The following ARHGEF2 variants were observed in gnomAD, a reference collection of about 807,000 sequenced individuals.
ARHGEF2 encodes Rho/Rac guanine nucleotide exchange factor 2, also known as rho guanine nucleotide exchange factor 2.
A neutral mutation model predicts 121.0 loss-of-function variants in ARHGEF2; 22 were observed. The observed-to-expected ratio is 0.18, with a 90% CI of 0.13 to 0.26. ARHGEF2 has a LOEUF of 0.26. ARHGEF2 is among the 10% of genes least tolerant of loss of function. The pLI is 1.00. For missense variants in ARHGEF2, 907 were observed against 1,336.0 expected, an observed-to-expected ratio of 0.68 and a Z score of 5.01; for synonymous variants, 487 against 530.0, an observed-to-expected ratio of 0.92 and a Z score of 1.11.
chr1:155,971,645 T>A (rs1401358084), intron 1 of ARHGEF2, among the ~76,000 whole-genome samples: 1 of 149,464 alleles, frequency 6.7e-6, no homozygotes, highest in Admixed American at 6.7e-5. Flanking sequence ...AAACACCAAG[T>A]CCAAAAATCT....
Position 155,950,867 on chromosome 1 carries a change from C to T in ARHGEF2, c.2665G>A (p.Ala889Thr), listed in dbSNP as rs760566971. ...AAACTCAAGTACAGGGCATCGCCTG[C>T]GGGGAGGCTGCGCCGCCGAGGATCC... ...PVDPRRRSLPAGDALYLSFNP... is the reference protein window; with the variant it reads ...PVDPRRRSLPTGDALYLSFNP... The change falls in exon 20 of 22, where the codon GCA becomes ACA. Residue 889 changes from alanine to threonine, a missense_variant. By Grantham distance (58) the Ala-to-Thr change is moderately conservative (BLOSUM62 0). Around this residue, in one of 2 missense-constraint regions of ARHGEF2, gnomAD observed 432 missense variants for 559.5 expected, o/e 0.77. Coordinates refer to ENST00000361247, the MANE Select transcript of ARHGEF2 (RefSeq NM_001162383.2). The surrounding 1 kb of genome is among the most constrained non-coding windows in gnomAD (Gnocchi z 5.2). 1.0e-5 allele frequency: 16 copies of T among 1,547,856 alleles called. No individual in the cohort carries two copies. Among genetic ancestry groups the T allele is most frequent in the South Asian group, 3.7e-5 (3 of 80,192 alleles).
intron 4 of ARHGEF2, among the ~76,000 whole-genome samples, 158 bp downstream of exon 4, chr1:155,966,258 G>A (rs1679347988): frequency 6.6e-6 from 1 of 152,014 alleles, no homozygotes; most frequent in Non-Finnish European, 1.5e-5. Flanking sequence ...CTAAGTCCAA[G>A]AGTCCGAACC....
At chr1:155,958,775 A>C (rs934490794) in intron 11 of ARHGEF2, among the ~76,000 whole-genome samples, 1 of 151,266 alleles carries the variant, frequency 6.6e-6, no homozygotes, top group African/African-American at 2.4e-5. Context: ...ACGGGGTTTC[A>C]CCATGTTGGT....
chr1:155,955,685 A>C (rs577965645), intron 13 of ARHGEF2, among the ~76,000 whole-genome samples: 20 of 152,274 alleles, frequency 1.3e-4, no homozygotes, highest in African/African-American at 4.6e-4. Flanking sequence ...AGCTCAACAA[A>C]TCAATTACAA....
Position 155,951,298 on chromosome 1 carries a change from G to A in ARHGEF2, c.2260-26C>T. The A allele has an allele frequency of 1.3e-6, 2 of 1,582,896 alleles. No homozygotes were observed. Among genetic ancestry groups the A allele is most frequent in the Non-Finnish European group, 1.7e-6 (2 of 1,161,920 alleles). On this transcript the variant is annotated intron_variant, in intron 19 of 21. Transcript: ENST00000361247. The surrounding 1 kb of genome is among the most constrained non-coding windows in gnomAD (Gnocchi z 5.1). ...CTGGGAGTAGAATGCAGGCAGAAGG[G>A]TTTATCAGAACCCCTGTGCTCTTCT... is the stretch of plus-strand genomic sequence containing the variant.
chr1:155,979,314 G>A (rs1042759921), upstream of ARHGEF2: 38 of 985,302 alleles, frequency 3.9e-5, no homozygotes, highest in Admixed American at 6.2e-5. Flanking sequence ...TCTGTTGCAA[G>A]TTAAGCCGGA....
In ARHGEF2 at chr1:155,951,471, T is replaced by G; in HGVS notation, c.2259+12A>C. ...TCCTCCCCTTCCCCATTCAAGCCCT[T>G]GTCCTACTGACCTGTAGGCCATGTA... On this transcript the variant is annotated intron_variant, in intron 19 of 21. Transcript: ENST00000361247. The surrounding 1 kb of genome is among the most constrained non-coding windows in gnomAD (Gnocchi z 5.1). 1 of 1,614,144 alleles carries G rather than the reference T, an allele frequency of 6.2e-7. No individual in the cohort carries two copies. The highest frequency in any genetic ancestry group is 8.5e-7 in the Non-Finnish European group (1 of 1,180,000).
chr1:155,959,647 C>T (rs887906337), intron 11 of ARHGEF2, among the ~76,000 whole-genome samples: 6 of 152,122 alleles, frequency 3.9e-5, no homozygotes, highest in Non-Finnish European at 5.9e-5. Context: ...TGAGTTCAAG[C>T]GATTCTCATG....
In ARHGEF2 at chr1:155,947,853, T is replaced by C. The variant is rs1405683836; in HGVS notation, c.*89A>G. 6 of 718,320 alleles carry C rather than the reference T, an allele frequency of 8.4e-6. No individual in the cohort carries two copies. Among genetic ancestry groups the C allele is most frequent in the Non-Finnish European group, 1.4e-5 (6 of 426,830 alleles). 44.5% of individuals were successfully genotyped at this position (718,320 alleles called of 1,614,324 possible). On this transcript the variant is annotated 3_prime_UTR_variant, in exon 22 of 22. Transcript: ENST00000361247. Reference sequence around the variant, plus strand: ...GACAATTTGCAGTTCTTTCAAATGTTCCCTCATCATTGGCAAATTGGAGTC... The same window carrying C: ...GACAATTTGCAGTTCTTTCAAATGTCCCCTCATCATTGGCAAATTGGAGTC...
Position 155,957,844 on chromosome 1 carries a change from T to A in ARHGEF2, c.1584A>T (p.Val528=), listed in dbSNP as rs756839384. 7 of 1,614,056 alleles carry A rather than the reference T, an allele frequency of 4.3e-6. No homozygotes were observed. Among genetic ancestry groups the A allele is most frequent in the Admixed American group, 1.7e-5 (1 of 59,994 alleles). The part of the protein sequence containing the change: ...PSVVSLQNLI[V]RDIANQEKGM... ...CTTTCTCCTGGTTGGCAATGTCTCG[T>A]ACGATTAGATTCTGCAGCGATACCA... is the stretch of plus-strand genomic sequence containing the variant. Residue 528 remains valine (V), a synonymous_variant, in exon 13 of 22, where the codon GTA becomes GTT. Transcript: ENST00000361247.
chr1:155,967,501 C>T (rs746626450), intron 2 of ARHGEF2, among the ~76,000 whole-genome samples: 1 of 152,080 alleles, frequency 6.6e-6, no homozygotes, highest in African/African-American at 2.4e-5. Flanking sequence ...ATCCAAAGGC[C>T]GTGCTCCTTC....
chr1:155,958,010 G>A, intron 12 of ARHGEF2, 128 bp from the exon 13 acceptor site: 1 of 962,964 alleles, frequency 1.0e-6, no homozygotes, highest in Non-Finnish European at 1.5e-6. Context: ...TTAAGAGCCA[G>A]GCACTGGTGC....
At chr1:155,974,376 G>A (rs1259936196) in intron 1 of ARHGEF2, among the ~76,000 whole-genome samples, 1 of 152,172 alleles carries the variant, frequency 6.6e-6, no homozygotes, top group African/African-American at 2.4e-5. Flanking sequence ...CAGGATTCGA[G>A]TCACCTGTGG....
chr1:155,965,400 A>T lies in ARHGEF2; in HGVS notation c.483T>A (p.Asp161Glu). The T allele has an allele frequency of 6.2e-7, 1 of 1,614,104 alleles. No homozygotes were observed. Among genetic ancestry groups the T allele is most frequent in the Non-Finnish European group, 8.5e-7 (1 of 1,179,952 alleles). The part of the protein sequence containing the change: ...STTNIAGHFN[D>E]ESPLGLRRIL... ...TCCGGCGCAGCCCCAGGGGAGACTCATCATTGAAATGTCTGAAGAAAGTGG... is the reference window on the plus strand; with the variant it reads ...TCCGGCGCAGCCCCAGGGGAGACTCTTCATTGAAATGTCTGAAGAAAGTGG... The change falls in exon 6 of 22, where the codon GAT (aspartate) becomes GAA (glutamate). Residue 161 changes from aspartate to glutamate, a missense_variant. Asp to Glu is a conservative substitution (Grantham distance 45, BLOSUM62 2). This residue lies in a region of ARHGEF2 where 475 missense variants were observed against 776.5 expected (regional missense o/e 0.61). Transcript: ENST00000361247. This position sits in a 1 kb window ranked among gnomAD's most constrained non-coding sequence, Gnocchi z 6.0.
At chr1:155,976,417 A>G (rs1681301767) in intron 1 of ARHGEF2, among the ~76,000 whole-genome samples, 1 of 150,642 alleles carries the variant, frequency 6.6e-6, no homozygotes, top group African/African-American at 2.4e-5. Flanking sequence ...CCACCCACTC[A>G]GCCCCCGACT....
At chr1:155,970,444 T>C in intron 1 of ARHGEF2, 2 of 985,446 alleles carry the variant, frequency 2.0e-6, no homozygotes, top group Non-Finnish European at 2.4e-6. Context: ...GTGACTCTGA[T>C]CTCTGGATTT....
intron 1 of ARHGEF2, chr1:155,970,461 C>A: frequency 1.0e-6 from 1 of 985,426 alleles, no homozygotes; most frequent in Non-Finnish European, 1.2e-6. Flanking sequence ...ATTTTCCCTC[C>A]GCTCTTGGAG....
At position 155,958,308 on chromosome 1, in the gene ARHGEF2, T is replaced by A. The variant is rs199931028; in HGVS notation, c.1545+12A>T. On this transcript the variant is annotated intron_variant, in intron 12 of 21. Transcript: ENST00000361247. The stretch of plus-strand genomic sequence containing the variant: ...TGTCTGTGCTGAGAAAGGTGAAGAA[T>A]GAATGTCTCACCAGGGTAGGAAAGA... 1.6e-4 allele frequency: 255 copies of A among 1,607,970 alleles called. No individual in the cohort carries two copies. Among genetic ancestry groups the A allele is most frequent in the Non-Finnish European group, 2.1e-4 (251 of 1,174,580 alleles).
At chr1:155,971,831 T>G (rs1680525035) in intron 1 of ARHGEF2, among the ~76,000 whole-genome samples, 2 of 151,412 alleles carry the variant, frequency 1.3e-5, no homozygotes, top group Non-Finnish European at 2.9e-5. Context: ...GAGGATCGCT[T>G]GAGGCCAGGA....
Sources: gnomAD v4.1 joint callset for allele counts (sites outside exome capture counted in the v4.1 genomes callset) on GRCh38, gnomAD v4.1.1 for gene constraint, gnomAD v4.1.1 regional missense constraint, Gnocchi (gnomAD v3.1) non-coding constraint, MANE v1.5 for transcripts, NCBI Gene and HGNC (gene_info 2026-07-23, HGNC 2026-07-21) for gene names.